The following FBXW4 variants were observed in gnomAD, a reference collection of about 807,000 sequenced individuals.
FBXW4 encodes the protein F-box/WD repeat-containing protein 4.
FBXW4 carries 40 observed loss-of-function variants against 61.8 expected under a neutral mutation model. The ratio of observed to expected loss-of-function variants is 0.65; its 90% confidence interval spans 0.50 to 0.84. The LOEUF (loss-of-function observed/expected upper bound fraction) is 0.84. Among genes scored for constraint, FBXW4 ranks in the 40% least tolerant of loss-of-function variants. The pLI, the probability that FBXW4 is intolerant of heterozygous loss-of-function variation, is 0.00. For missense variants in FBXW4, 672 were observed against 753.8 expected (o/e 0.89, Z 1.27); for synonymous variants, 311 against 313.8 (o/e 0.99, Z 0.10).
chr10:101,657,708 T>C (rs1050221944), intron 5 of FBXW4, among the ~76,000 whole-genome samples: 1 of 149,010 alleles, frequency 6.7e-6, no homozygotes, highest in Admixed American at 6.7e-5. Context: ...AAGAAACTGC[T>C]AGAGAGGCAC....
intron 5 of FBXW4, among the ~76,000 whole-genome samples, chr10:101,632,505 G>GCT (rs2063967419): frequency 6.6e-6 from 1 of 152,148 alleles, no homozygotes; most frequent in Non-Finnish European, 1.5e-5. Flanking sequence ...CCTAGCCCAG[G>GCT]CTAGACAAAA....
intron 5 of FBXW4, among the ~76,000 whole-genome samples, chr10:101,634,244 A>G (rs1007900204): frequency 6.6e-6 from 1 of 151,952 alleles, no homozygotes; most frequent in Non-Finnish European, 1.5e-5. Flanking sequence ...AAAAATCACT[A>G]GAAAAGATCC....
chr10:101,611,874 C>A lies in FBXW4; in HGVS notation c.1443-105G>T. On this transcript the variant is annotated intron_variant, in intron 7 of 8. Transcript: ENST00000331272. The surrounding 1 kb of genome is among the most constrained non-coding windows in gnomAD (Gnocchi z 4.9). ...TGAGGGGAGCGTTAAGGAGCCATTCCGGGATGGAAGAGAAAGAAGCCTAAA... is the reference window on the plus strand; with the variant it reads ...TGAGGGGAGCGTTAAGGAGCCATTCAGGGATGGAAGAGAAAGAAGCCTAAA... The A allele has an allele frequency of 7.5e-7, 1 of 1,328,528 alleles. No individual in the cohort carries two copies. 82.3% of individuals were successfully genotyped at this position (1,328,528 alleles called of 1,614,324 possible). A position where few individuals can be genotyped will look rare whatever the true frequency, so the allele number is the denominator to read the frequency against.
intron 6 of FBXW4, among the ~76,000 whole-genome samples, chr10:101,616,903 A>T (rs948030628): frequency 6.6e-6 from 1 of 152,270 alleles, no homozygotes; most frequent in Non-Finnish European, 1.5e-5. Flanking sequence ...AATGTCGTAT[A>T]GCAAGGAAAG....
chr10:101,661,740 CTT>C lies in FBXW4; in HGVS notation c.1235+6144_1235+6145del, dbSNP rs140884340. Among the ~76,000 whole-genome samples, 178 of 152,268 alleles carry C rather than the reference CTT, an allele frequency of 1.2e-3. 1 individual carries two copies. The highest frequency in any genetic ancestry group is 4.0e-3 in the African/African-American group (166 of 41,546). ...TCGCAAAGGGGGACACCAAGCCACT[CTT>C]TGACTAGCTCTTCAGGTCTTCTTTC... is the stretch of plus-strand genomic sequence containing the variant. On this transcript the variant is annotated intron_variant, in intron 5 of 8. Coordinates refer to ENST00000331272, the MANE Select transcript of FBXW4 (RefSeq NM_022039.4).
chr10:101,622,900 C>G (rs1262862078), intron 6 of FBXW4: 1 of 151,992 alleles, frequency 6.6e-6, no homozygotes, highest in Non-Finnish European at 1.5e-5. Flanking sequence ...GGAAATGATA[C>G]AGAGAAGACT....
chr10:101,676,245 G>C (rs1193651135), intron 2 of FBXW4, 96 bp downstream of exon 2: 5 of 838,368 alleles, frequency 6.0e-6, no homozygotes, highest in Non-Finnish European at 7.5e-6. Flanking sequence ...ACCCACCCAA[G>C]ATAGCCCCAT....
intron 1 of FBXW4, among the ~76,000 whole-genome samples, chr10:101,677,527 A>C (rs1008108842): frequency 2.0e-5 from 3 of 152,234 alleles, no homozygotes; most frequent in African/African-American, 7.2e-5. Context: ...ATAGGGATGG[A>C]GACTGACTAG....
In FBXW4 at chr10:101,654,104, A is replaced by T. The variant is rs554229289; in HGVS notation, c.1235+13782T>A. On this transcript the variant is annotated intron_variant, in intron 5 of 8. Transcript: ENST00000331272. ...CCACTGCACTCCAGACCGGCGACAG[A>T]GCGAGACTCCGTCTTAAAAAAAAAA... 2.2e-5 allele frequency among the ~76,000 whole-genome samples: 3 copies of T among 138,888 alleles called. No individual in the cohort carries two copies. In the South Asian group the frequency reaches 7.5e-4, roughly 35 times the overall value. The allele number at this position is 138,888 out of a possible 152,430, so 91.1% of individuals were successfully genotyped here. A position where few individuals can be genotyped will look rare whatever the true frequency, so the allele number is the denominator to read the frequency against.
At chr10:101,673,123 A>T in intron 3 of FBXW4, 76 bp from the exon 4 acceptor site, 1 of 1,546,542 alleles carries the variant, frequency 6.5e-7, no homozygotes, top group Non-Finnish European at 8.7e-7. Context: ...CTCCAGAAAC[A>T]GCCCAAGTCT....
chr10:101,623,392 A>G (rs2063883414), intron 6 of FBXW4, among the ~76,000 whole-genome samples: 1 of 152,216 alleles, frequency 6.6e-6, no homozygotes, highest in Admixed American at 6.5e-5. Context: ...TCTAAAAAAC[A>G]TAAATAAATA....
At chr10:101,679,535 T>A (rs1173396562) in intron 1 of FBXW4, among the ~76,000 whole-genome samples, 1 of 152,188 alleles carries the variant, frequency 6.6e-6, no homozygotes, top group African/African-American at 2.4e-5. Flanking sequence ...TAAATCACTT[T>A]AATTAGTGCT....
chr10:101,655,487 G>A (rs1370088821), intron 5 of FBXW4, among the ~76,000 whole-genome samples: 1 of 152,130 alleles, frequency 6.6e-6, no homozygotes, highest in Non-Finnish European at 1.5e-5. Context: ...ACACTTCAAA[G>A]GCATTAACAC....
At chr10:101,654,655 G>A (rs1192875846) in intron 5 of FBXW4, among the ~76,000 whole-genome samples, 19 of 152,146 alleles carry the variant, frequency 1.2e-4, no homozygotes, top group Admixed American at 1.2e-3. Context: ...TAAATAAACT[G>A]TCATACTATT....
At chr10:101,625,815 G>C (rs937671393) in intron 5 of FBXW4, 16 of 152,278 alleles carry the variant, frequency 1.1e-4, no homozygotes, top group African/African-American at 3.1e-4. Context: ...TCTTTCATGG[G>C]GGGGAAGGAA....
intron 5 of FBXW4, among the ~76,000 whole-genome samples, chr10:101,645,931 C>A (rs1211566276): frequency 6.6e-6 from 1 of 152,122 alleles, no homozygotes; most frequent in Non-Finnish European, 1.5e-5. Flanking sequence ...GTTTAGTTAG[C>A]CTCTCTTGGG....
chr10:101,623,614 C>G (rs1407295141), intron 6 of FBXW4, among the ~76,000 whole-genome samples: 1 of 152,136 alleles, frequency 6.6e-6, no homozygotes, highest in Non-Finnish European at 1.5e-5. Flanking sequence ...AAAATGTATG[C>G]CCACACAAAA....
intron 5 of FBXW4, among the ~76,000 whole-genome samples, chr10:101,649,087 T>A (rs929384028): frequency 2.0e-5 from 3 of 151,786 alleles, no homozygotes; most frequent in African/African-American, 7.3e-5. Context: ...GCCCAGGGAA[T>A]CCCCAAAGAG....
chr10:101,664,922 C>A (rs1554931986), intron 5 of FBXW4, among the ~76,000 whole-genome samples: 1 of 152,064 alleles, frequency 6.6e-6, no homozygotes, highest in Non-Finnish European at 1.5e-5. Flanking sequence ...CTAGTAAGGT[C>A]TGTAAAGGAA....
Sources: gnomAD v4.1 joint callset for allele counts (sites outside exome capture counted in the v4.1 genomes callset) on GRCh38, gnomAD v4.1.1 for gene constraint, Gnocchi (gnomAD v3.1) non-coding constraint, MANE v1.5 for transcripts, NCBI Gene and HGNC (gene_info 2026-07-23, HGNC 2026-07-21) for gene names.